The following TYRO3 variants were observed in gnomAD, a reference collection of about 807,000 sequenced individuals.
TYRO3 encodes tyrosine-protein kinase receptor TYRO3.
TYRO3 carries 38 observed loss-of-function variants against 95.2 expected under a neutral mutation model. That is an observed-to-expected ratio of 0.40 (90% CI 0.31 to 0.52). The LOEUF (loss-of-function observed/expected upper bound fraction) is 0.52, where lower values mean the gene tolerates loss of function less well. Among genes scored for constraint, TYRO3 ranks in the 20% least tolerant of loss-of-function variants. The pLI is 0.56. For missense variants in TYRO3, 812 were observed against 1,116.4 expected (o/e 0.73, Z 3.89); for synonymous variants, 367 against 432.9 (o/e 0.85, Z 1.89).
At position 41,567,187 on chromosome 15, in the gene TYRO3, T is replaced by C. The variant is rs73391133; in HGVS notation, c.784-173T>C. On this transcript the variant is annotated intron_variant, in intron 6 of 18. Coordinates refer to ENST00000263798, the MANE Select transcript of TYRO3 (RefSeq NM_006293.4). The stretch of plus-strand genomic sequence containing the variant: ...GTGAAAGGAACAGCATTTGCAAAGG[T>C]ATGAAGATGTGGAACCCTGTGTATT... 2.1e-3 allele frequency among the ~76,000 whole-genome samples: 320 copies of C among 152,194 alleles called. 1 individual carries two copies. The highest frequency in any genetic ancestry group is 7.0e-3 in the African/African-American group (289 of 41,512).
intron 7 of TYRO3, 51 bp downstream of exon 7, chr15:41,567,588 G>T: frequency 7.1e-7 from 1 of 1,400,648 alleles, no homozygotes; most frequent in Non-Finnish European, 9.3e-7. Context: ...GCCGGGAAGG[G>T]GGCCGTGTTG....
intron 18 of TYRO3, among the ~76,000 whole-genome samples, chr15:41,575,630 G>A (rs985138677): frequency 1.3e-5 from 2 of 152,332 alleles, no homozygotes; most frequent in African/African-American, 4.8e-5. Context: ...GCTGGTGTGT[G>A]AGGCAGTGCT....
rs779217936 is a variant in TYRO3 at position 41,568,890 on chromosome 15, G to C, written c.1120G>C (p.Val374Leu). Residue 374 changes from valine to leucine, a missense_variant, in exon 9 of 19, where the codon GTG becomes CTG. By Grantham distance (32) the Val-to-Leu change is conservative. Transcript: ENST00000263798. ...QDNGTQDELT[V>L]EGTRANLTGW... is the part of the protein sequence containing the mutation. ...TTCCTGGCTGCAGGATGAGCTGACA[G>C]TGGAGGGGACCAGGGCCAATTTGAC... is the stretch of plus-strand genomic sequence containing the variant. 6.2e-7 allele frequency: 1 copy of C among 1,612,198 alleles called. No individual in the cohort carries two copies. Among genetic ancestry groups the C allele is most frequent in the Non-Finnish European group, 8.5e-7 (1 of 1,179,894 alleles).
intron 7 of TYRO3, 125 bp downstream of exon 7, chr15:41,567,662 G>A (rs2140825509): frequency 2.4e-6 from 2 of 833,018 alleles, no homozygotes; most frequent in Middle Eastern, 3.3e-4. Flanking sequence ...AACATTTACT[G>A]CATATAACTA....
At chr15:41,575,693 G>A (rs1008475995) in intron 18 of TYRO3, among the ~76,000 whole-genome samples, 2 of 152,218 alleles carry the variant, frequency 1.3e-5, no homozygotes. Context: ...GCATTCATTG[G>A]ACTTGGTCTC....
chr15:41,568,468 C>A, intron 8 of TYRO3, 106 bp downstream of exon 8: 1 of 1,168,572 alleles, frequency 8.6e-7, no homozygotes, highest in Non-Finnish European at 1.2e-6. Flanking sequence ...GCCTGGGTCT[C>A]CCGCAGCCCC....
At position 41,578,275 on chromosome 15, in the gene TYRO3, A is replaced by G. The variant is rs1241487982; in HGVS notation, c.2672A>G (p.Ter891TrpextTer17). 1 of 1,613,158 alleles carries G rather than the reference A, an allele frequency of 6.2e-7. No homozygotes were observed. The highest frequency in any genetic ancestry group is 2.2e-5 in the East Asian group (1 of 44,894). Residue 891 changes from the stop codon to tryptophan (W), a stop_lost, in exon 19 of 19, where the codon TAG (stop) becomes TGG (tryptophan). Coordinates refer to ENST00000263798, the MANE Select transcript of TYRO3 (RefSeq NM_006293.4). ...GGGCTACTGCCACACAGTAGCTGTT[A>G]GCCCACAGGCAGAGGGCATCGGGGC... ...QQGLLPHSSC[*>W]
At position 41,562,533 on chromosome 15, in the gene TYRO3, C is replaced by G; in HGVS notation, c.410-15C>G. The G allele has an allele frequency of 6.6e-7, 1 of 1,506,222 alleles. No individual in the cohort carries two copies. The highest frequency in any genetic ancestry group is 2.3e-5 in the East Asian group (1 of 44,332). The allele number at this position is 1,506,222 out of a possible 1,614,324, so 93.3% of individuals were successfully genotyped here. ...GAGGTGGCAGGGCTCACTCCTCACT[C>G]CCCTTCTCTCCTAGGTGTGCCATTT... On this transcript the variant is annotated splice_polypyrimidine_tract_variant and intron_variant, in intron 3 of 18. Coordinates refer to ENST00000263798, the MANE Select transcript of TYRO3 (RefSeq NM_006293.4).
At chr15:41,561,744 T>A in intron 3 of TYRO3, 105 bp downstream of exon 3, 1 of 809,776 alleles carries the variant, frequency 1.2e-6, no homozygotes, top group Non-Finnish European at 1.9e-6. Context: ...GCTGCCCCAC[T>A]GCTCTGTGGG....
Position 41,562,626 on chromosome 15 carries a change from T to G in TYRO3, c.488T>G (p.Val163Gly), listed in dbSNP as rs752314054. The G allele has an allele frequency of 1.2e-6, 2 of 1,614,062 alleles. No homozygotes were observed. The highest frequency in any genetic ancestry group is 3.3e-5 in the Admixed American group (2 of 60,030). The change falls in exon 4 of 19, where the codon GTG (valine) becomes GGG (glycine). Residue 163 changes from valine (V) to glycine (G), a missense_variant. Coordinates refer to ENST00000263798, the MANE Select transcript of TYRO3 (RefSeq NM_006293.4). ...NAPFQLSCEA[V>G]GPPEPVTIVW... ...CCTTTCCAACTGTCTTGTGAGGCTG[T>G]GGGTCCCCCTGAACCTGTTACCATT...
At chr15:41,567,229 A>G in intron 6 of TYRO3, 131 bp from the exon 7 acceptor site, 1 of 666,994 alleles carries the variant, frequency 1.5e-6, no homozygotes, top group East Asian at 3.2e-5. Context: ...GTGGGGGCAG[A>G]TGGGAGGGCG....
Position 41,581,827 on chromosome 15 carries a change from CAAAAAAAAAAA to C in TYRO3, c.*3561_*3571del, listed in dbSNP as rs147411360. The C allele has an allele frequency of 1.4e-5, 1 of 69,864 alleles. No individual in the cohort carries two copies. The highest frequency in any genetic ancestry group is 2.5e-5 in the Non-Finnish European group (1 of 40,020). 4.3% of individuals were successfully genotyped at this position (69,864 alleles called of 1,614,324 possible). On this transcript the variant is annotated 3_prime_UTR_variant, in exon 19 of 19. Transcript: ENST00000263798. ...TGGGTGACAGAGCGAGACTCCATCTCAAAAAAAAAAAAAAAAAAAAGAGGCCAGGCATGGTG... is the reference window on the plus strand; with the variant it reads ...TGGGTGACAGAGCGAGACTCCATCTCAAAAAAAAAGAGGCCAGGCATGGTG...
intron 8 of TYRO3, 147 bp downstream of exon 8, chr15:41,568,509 C>CA: frequency 1.3e-6 from 1 of 775,582 alleles, no homozygotes; most frequent in Non-Finnish European, 2.0e-6. Flanking sequence ...CCCTCCTCTG[C>CA]AAGCTCCACT....
intron 18 of TYRO3, among the ~76,000 whole-genome samples, chr15:41,576,073 C>T (rs2055856005): frequency 7.8e-6 from 1 of 128,750 alleles, no homozygotes; most frequent in Non-Finnish European, 1.6e-5. Context: ...CATTGCACTC[C>T]AGCCTGGGCA....
intron 18 of TYRO3, among the ~76,000 whole-genome samples, chr15:41,576,337 G>A (rs1445756205): frequency 1.3e-5 from 2 of 151,788 alleles, no homozygotes; most frequent in Admixed American, 6.6e-5. Context: ...GGGATTACAG[G>A]CATGCACCAC....
intron 4 of TYRO3, 132 bp downstream of exon 4, chr15:41,562,850 G>A (rs2055675733): frequency 2.2e-6 from 2 of 909,478 alleles, no homozygotes; most frequent in South Asian, 1.7e-5. Flanking sequence ...GGGGACGTGA[G>A]CTGCACCATT....
chr15:41,561,030 T>G (rs2055645781), intron 1 of TYRO3, 97 bp from the exon 2 acceptor site: 1 of 1,362,764 alleles, frequency 7.3e-7, no homozygotes, highest in Non-Finnish European at 1.0e-6. Flanking sequence ...AAGAGCCCTC[T>G]GTCTGACACA....
chr15:41,578,660 T>C lies in TYRO3; in HGVS notation c.*384T>C, dbSNP rs561297726. ...GAGCTGCCCCTGCTGCTTAAGTGCA[T>C]GCATTGAGCTGCCTCCAGCCTGGTG... On this transcript the variant is annotated 3_prime_UTR_variant, in exon 19 of 19. Coordinates refer to ENST00000263798, the MANE Select transcript of TYRO3 (RefSeq NM_006293.4). 1 of 278,324 alleles carries C rather than the reference T, an allele frequency of 3.6e-6. No homozygotes were observed. The highest frequency in any genetic ancestry group is 6.1e-5 in the South Asian group (1 of 16,466). The allele number at this position is 278,324 out of a possible 1,614,324, so 17.2% of individuals were successfully genotyped here.
chr15:41,577,775 T>C, intron 18 of TYRO3, 111 bp from the exon 19 acceptor site: 3 of 1,157,216 alleles, frequency 2.6e-6, no homozygotes. Flanking sequence ...TGCGAGCCGC[T>C]GTGCCCCACC....
Sources: allele counts gnomAD v4.1 joint callset (sites outside exome capture counted in the v4.1 genomes callset), GRCh38; gene constraint gnomAD v4.1.1; transcripts MANE v1.5; gene names NCBI Gene and HGNC (gene_info 2026-07-23, HGNC 2026-07-21).